Variants in MRC1 observed in about 807,000 individuals in gnomAD.
MRC1 encodes the protein macrophage mannose receptor 1.
MRC1 carries 62 observed loss-of-function variants against 102.9 expected under a neutral mutation model. That is an observed-to-expected ratio of 0.60 (90% CI 0.49 to 0.74). The LOEUF (loss-of-function observed/expected upper bound fraction) is 0.74. Ranked by LOEUF, MRC1 falls within the 30% of genes least tolerant of loss-of-function variation. The pLI, the probability that MRC1 is intolerant of heterozygous loss-of-function variation, is 0.00. For missense variants in MRC1, 1,237 were observed against 862.8 expected (o/e 1.43, Z -5.43); for synonymous variants, 457 against 298.4 (o/e 1.53, Z -5.48).
chr10:17,904,304 G>T (rs1833869128), intron 26 of MRC1, among the ~76,000 whole-genome samples: 4 of 152,124 alleles, frequency 2.6e-5, no homozygotes, highest in Admixed American at 2.6e-4. Context: ...TTCTTCAGTA[G>T]TTCTTAAAGT....
intron 23 of MRC1, 152 bp downstream of exon 23, chr10:17,894,464 A>G: frequency 1.6e-6 from 1 of 620,162 alleles, no homozygotes; most frequent in Non-Finnish European, 2.8e-6. Flanking sequence ...CAGTGGTGTG[A>G]TCTCAGATCA....
intron 4 of MRC1, among the ~76,000 whole-genome samples, chr10:17,836,790 C>A (rs976971989): frequency 6.6e-6 from 1 of 151,560 alleles, no homozygotes; most frequent in Non-Finnish European, 1.5e-5. Flanking sequence ...GAGTCGAGAT[C>A]GCACCATTGC....
intron 23 of MRC1, among the ~76,000 whole-genome samples, chr10:17,897,035 C>T (rs1254453686): frequency 6.6e-6 from 1 of 152,178 alleles, no homozygotes. Flanking sequence ...AATACACAAA[C>T]AAATGAATGT....
intron 17 of MRC1, among the ~76,000 whole-genome samples, chr10:17,876,897 A>G (rs1342177226): frequency 3.9e-5 from 6 of 152,102 alleles, no homozygotes; most frequent in Non-Finnish European, 5.9e-5. Context: ...TCATGGCCTC[A>G]TTGCCAGAGA....
At chr10:17,827,386 AAAAAAAAAAAAAAAAAAAAAAAAAG>A (rs1206166906) in intron 2 of MRC1, among the ~76,000 whole-genome samples, 131 bp from the exon 3 acceptor site, 8 of 56,778 alleles carry the variant, frequency 1.4e-4, no homozygotes, top group East Asian at 7.1e-4. Flanking sequence ...AAAAAAAAAA[AAAAAAAAAAAAAAAAAAAAAAAAAG>A]AAATCCCTCT....
intron 27 of MRC1, among the ~76,000 whole-genome samples, 195 bp from the exon 28 acceptor site, chr10:17,907,339 C>T (rs966671807): frequency 3.6e-4 from 55 of 152,244 alleles, no homozygotes; most frequent in African/African-American, 1.2e-3. Context: ...TAAAGCTATA[C>T]GGTAAACCTA....
chr10:17,902,691 G>A (rs986533148), intron 26 of MRC1, among the ~76,000 whole-genome samples: 1 of 152,068 alleles, frequency 6.6e-6, no homozygotes, highest in Admixed American at 6.5e-5. Context: ...TAACTCAAGA[G>A]TTCTCCATCC....
chr10:17,844,200 A>C (rs1027261736), intron 5 of MRC1, among the ~76,000 whole-genome samples: 1 of 152,108 alleles, frequency 6.6e-6, no homozygotes, highest in African/African-American at 2.4e-5. Context: ...CTCTCCCATT[A>C]GCTTTTTCTC....
chr10:17,858,800 C>A (rs1833136761), intron 9 of MRC1, among the ~76,000 whole-genome samples: 1 of 152,204 alleles, frequency 6.6e-6, no homozygotes, highest in Non-Finnish European at 1.5e-5. Context: ...CCATCACAGG[C>A]ATGAGCCATC....
At chr10:17,881,359 G>A (rs1385561848) in intron 21 of MRC1, among the ~76,000 whole-genome samples, 178 bp downstream of exon 21, 1 of 152,140 alleles carries the variant, frequency 6.6e-6, no homozygotes, top group African/African-American at 2.4e-5. Context: ...GTATTAAGCT[G>A]TTTATTTTAT....
chr10:17,898,302 C>T (rs1169167150), intron 24 of MRC1, 36 bp downstream of exon 24: 14 of 780,550 alleles, frequency 1.8e-5, no homozygotes, highest in Non-Finnish European at 3.4e-5. Flanking sequence ...TTGACATGAT[C>T]AGTGAATTAT....
intron 18 of MRC1, among the ~76,000 whole-genome samples, chr10:17,878,580 T>G (rs1472469711): frequency 6.6e-6 from 1 of 152,174 alleles, no homozygotes; most frequent in Non-Finnish European, 1.5e-5. Context: ...TCCTGGCTCA[T>G]GTGCAGATTT....
intron 22 of MRC1, among the ~76,000 whole-genome samples, chr10:17,891,253 G>A (rs1003724494): frequency 6.6e-6 from 1 of 151,444 alleles, no homozygotes; most frequent in Non-Finnish European, 1.5e-5. Flanking sequence ...TACAAGCACC[G>A]CCTCCCGGGT....
At chr10:17,832,876 G>A (rs1434928127) in intron 3 of MRC1, among the ~76,000 whole-genome samples, 1 of 152,022 alleles carries the variant, frequency 6.6e-6, no homozygotes, top group Non-Finnish European at 1.5e-5. Flanking sequence ...GGCGTGAGCC[G>A]CTGTGCCCGG....
chr10:17,886,953 C>G lies in MRC1; in HGVS notation c.3147+1518C>G, dbSNP rs940222658. The stretch of plus-strand genomic sequence containing the variant: ...CCCTGTGATGGAGTCTGAACTTTGT[C>G]GAATAAGCAACAACAACAAAAAAAG... On this transcript the variant is annotated intron_variant, in intron 22 of 29. Transcript: ENST00000569591. 3.5e-3 allele frequency among the ~76,000 whole-genome samples: 509 copies of G among 145,872 alleles called. 5 individuals carry two copies. Among genetic ancestry groups the G allele is most frequent in the African/African-American group, 0.011 (429 of 40,478 alleles).
At chr10:17,821,605 G>A (rs971700599) in intron 1 of MRC1, among the ~76,000 whole-genome samples, 1 of 152,220 alleles carries the variant, frequency 6.6e-6, no homozygotes, top group Non-Finnish European at 1.5e-5. Flanking sequence ...ATACAGAGGA[G>A]CGTGTCAGGA....
At position 17,861,374 on chromosome 10, in the gene MRC1, A is replaced by G; in HGVS notation, c.1519-13A>G. On this transcript the variant is annotated splice_polypyrimidine_tract_variant and intron_variant, in intron 9 of 29. Transcript: ENST00000569591. ...ACTCTGCTCATTTATTCACTGCTTG[A>G]TAACATTAATAGGGCTGGAAAAAAC... 2.3e-6 allele frequency: 2 copies of G among 864,966 alleles called. No homozygotes were observed. The highest frequency in any genetic ancestry group is 4.0e-6 in the Non-Finnish European group (2 of 494,692). 53.6% of individuals were successfully genotyped at this position (864,966 alleles called of 1,614,324 possible).
intron 9 of MRC1, among the ~76,000 whole-genome samples, chr10:17,856,852 G>C (rs1833100394): frequency 6.6e-6 from 1 of 152,104 alleles, no homozygotes; most frequent in Admixed American, 6.5e-5. Context: ...TTCTCAGTAG[G>C]TCACCGCAGT....
intron 21 of MRC1, among the ~76,000 whole-genome samples, chr10:17,881,530 C>T (rs1324792470): frequency 6.6e-6 from 1 of 151,962 alleles, no homozygotes; most frequent in Non-Finnish European, 1.5e-5. Flanking sequence ...AGTTTGCTCC[C>T]AAAGAGTCAA....
Sources: allele counts gnomAD v4.1 joint callset (sites outside exome capture counted in the v4.1 genomes callset), GRCh38; gene constraint gnomAD v4.1.1; transcripts MANE v1.5; gene names NCBI Gene and HGNC (gene_info 2026-07-23, HGNC 2026-07-21).